Variants in TRIM2 observed in about 807,000 individuals in gnomAD.
TRIM2 encodes tripartite motif-containing protein 2.
In TRIM2, 20 loss-of-function variants were observed where a neutral mutation model predicts 75.2. The observed-to-expected ratio is 0.27, with a 90% CI of 0.19 to 0.39. TRIM2 has a LOEUF of 0.39. TRIM2 is among the 10% of genes least tolerant of loss of function. The pLI, the probability that TRIM2 is intolerant of heterozygous loss-of-function variation, is 1.00. For synonymous variants in TRIM2, 373 were observed against 388.3 expected (o/e 0.96, Z 0.46); for missense variants, 660 against 990.8 (o/e 0.67, Z 4.48).
intron 8 of TRIM2, among the ~76,000 whole-genome samples, chr4:153,316,515 A>G (rs1055690282): frequency 2.6e-5 from 4 of 152,232 alleles, no homozygotes; most frequent in Non-Finnish European, 5.9e-5. Context: ...AATTTATGTC[A>G]GTCTCTAATG....
chr4:153,316,281 C>T (rs1043944405), intron 8 of TRIM2, among the ~76,000 whole-genome samples: 2 of 151,862 alleles, frequency 1.3e-5, no homozygotes, highest in African/African-American at 4.8e-5. Context: ...GTCCTGTTAC[C>T]TCAATTCAAT....
chr4:153,314,982 A>G (rs1767275717), intron 6 of TRIM2, among the ~76,000 whole-genome samples: 3 of 152,204 alleles, frequency 2.0e-5, no homozygotes. Context: ...CAAGAATGGC[A>G]GGACCCAAAC....
chr4:153,269,539 T>G lies in TRIM2; in HGVS notation c.31-796T>G, dbSNP rs1294384766. Among the ~76,000 whole-genome samples the G allele has an allele frequency of 2.0e-5, 3 of 152,214 alleles. No homozygotes were observed. The East Asian group carries it at 5.8e-4, about 29-fold the overall frequency. On this transcript the variant is annotated intron_variant, in intron 1 of 11. Coordinates refer to ENST00000338700, the MANE Select transcript of TRIM2 (RefSeq NM_015271.5). Reference sequence around the variant, plus strand: ...TTTCTATATAGCTTTCAGCTCAAAATAATCCTTATATCAAAGTGACATATT... The same window carrying G: ...TTTCTATATAGCTTTCAGCTCAAAAGAATCCTTATATCAAAGTGACATATT...
rs1767402219 is a variant in TRIM2 at position 153,315,539 on chromosome 4, C to G, written c.1565C>G (p.Ser522Cys). ...EFTNLQGVAASTNGKILIADS... is the reference protein window; with the variant it reads ...EFTNLQGVAACTNGKILIADS... Reference sequence around the variant, plus strand: ...ACAAATCTTCAGGGGGTAGCTGCATCTACAAATGGAAAGATATTAATTGCA... The same window carrying G: ...ACAAATCTTCAGGGGGTAGCTGCATGTACAAATGGAAAGATATTAATTGCA... The change falls in exon 7 of 12, where the codon TCT (serine) becomes TGT (cysteine). Residue 522 changes from serine to cysteine, a missense_variant. Coordinates refer to ENST00000338700, the MANE Select transcript of TRIM2 (RefSeq NM_015271.5). 1 of 1,611,310 alleles carries G rather than the reference C, an allele frequency of 6.2e-7. No homozygotes were observed. Among genetic ancestry groups the G allele is most frequent in the Non-Finnish European group, 8.5e-7 (1 of 1,179,368 alleles).
At chr4:153,254,938 C>T (rs1236409443) in intron 1 of TRIM2, among the ~76,000 whole-genome samples, 1 of 152,180 alleles carries the variant, frequency 6.6e-6, no homozygotes, top group East Asian at 1.9e-4. Flanking sequence ...CAGGCTTCAG[C>T]TATACTTAGG....
intron 3 of TRIM2, among the ~76,000 whole-genome samples, chr4:153,283,721 C>T (rs560847896): frequency 1.1e-4 from 17 of 150,310 alleles, no homozygotes; most frequent in African/African-American, 4.2e-4. Flanking sequence ...ACTGCAACTT[C>T]TGCCTCCCAG....
upstream of TRIM2, chr4:153,152,313 C>T (rs1250183651): frequency 1.3e-5 from 2 of 151,866 alleles, no homozygotes; most frequent in Admixed American, 6.6e-5. Context: ...CGGGGAAGGG[C>T]TCTCTGGGCG....
At chr4:153,208,939 A>G (rs1237353594) in intron 1 of TRIM2, among the ~76,000 whole-genome samples, 3 of 152,236 alleles carry the variant, frequency 2.0e-5, no homozygotes, top group Non-Finnish European at 2.9e-5. Context: ...ACTGAGAACC[A>G]TATCCACACA....
intron 1 of TRIM2, among the ~76,000 whole-genome samples, chr4:153,187,809 G>T (rs1011462421): frequency 2.0e-5 from 3 of 152,140 alleles, no homozygotes; most frequent in African/African-American, 4.8e-5. Context: ...TGTTTCAATG[G>T]GGGATTCACA....
chr4:153,275,133 C>T (rs575671518), intron 2 of TRIM2, among the ~76,000 whole-genome samples: 1 of 152,194 alleles, frequency 6.6e-6, no homozygotes, highest in East Asian at 1.9e-4. Context: ...TGGACAAGTA[C>T]GCTGGCCTGT....
chr4:153,175,973 G>A (rs769417879), intron 1 of TRIM2, among the ~76,000 whole-genome samples: 3 of 151,868 alleles, frequency 2.0e-5, no homozygotes, highest in African/African-American at 7.3e-5. Flanking sequence ...GGGCCCAGGA[G>A]TTTGAGGCTA....
At chr4:153,160,994 C>T (rs1729684760) in intron 1 of TRIM2, among the ~76,000 whole-genome samples, 1 of 152,100 alleles carries the variant, frequency 6.6e-6, no homozygotes, top group African/African-American at 2.4e-5. Flanking sequence ...TCTGTTCTTT[C>T]AATTGATTTT....
At chr4:153,230,262 C>G (rs1044182547) in intron 1 of TRIM2, among the ~76,000 whole-genome samples, 1 of 152,130 alleles carries the variant, frequency 6.6e-6, no homozygotes, top group Non-Finnish European at 1.5e-5. Flanking sequence ...CTCACTGCAG[C>G]CTTTGCCTCC....
chr4:153,308,837 G>A, intron 6 of TRIM2: 2 of 390,398 alleles, frequency 5.1e-6, no homozygotes, highest in Non-Finnish European at 1.0e-5. Flanking sequence ...ATTATTTTAT[G>A]CCCCTCTCCC....
At chr4:153,171,183 C>T (rs1730814594) in intron 1 of TRIM2, among the ~76,000 whole-genome samples, 1 of 152,168 alleles carries the variant, frequency 6.6e-6, no homozygotes, top group African/African-American at 2.4e-5. Flanking sequence ...CAAATGTAAA[C>T]TACTATAGAT....
chr4:153,320,958 A>G (rs1768832958), intron 8 of TRIM2, among the ~76,000 whole-genome samples: 1 of 152,090 alleles, frequency 6.6e-6, no homozygotes, highest in East Asian at 1.9e-4. Flanking sequence ...AAACACATAG[A>G]TCTGCTTCCC....
intron 9 of TRIM2, among the ~76,000 whole-genome samples, chr4:153,323,627 A>G (rs879354824): frequency 6.6e-6 from 1 of 152,118 alleles, no homozygotes; most frequent in Non-Finnish European, 1.5e-5. Flanking sequence ...GACTACAGGC[A>G]TGTGCCACCA....
At chr4:153,270,276 G>A (rs929134042) in intron 1 of TRIM2, 59 bp from the exon 2 acceptor site, 1 of 1,542,650 alleles carries the variant, frequency 6.5e-7, no homozygotes, top group Non-Finnish European at 8.8e-7. Flanking sequence ...AAGAGCCAGT[G>A]ATTGACTTGT....
At chr4:153,241,113 A>C (rs1746453429) in intron 1 of TRIM2, among the ~76,000 whole-genome samples, 1 of 152,200 alleles carries the variant, frequency 6.6e-6, no homozygotes, top group Admixed American at 6.5e-5. Flanking sequence ...TTTCCTGTAG[A>C]GTATGTGTCA....
Sources: gnomAD v4.1 joint callset for allele counts (sites outside exome capture counted in the v4.1 genomes callset) on GRCh38, gnomAD v4.1.1 for gene constraint, MANE v1.5 for transcripts, NCBI Gene and HGNC (gene_info 2026-07-23, HGNC 2026-07-21) for gene names.